The following TMEM272 variants were observed in gnomAD, a reference collection of about 807,000 sequenced individuals.
TMEM272 encodes long intergenic non-protein coding RNA 282.
A neutral mutation model predicts 3.7 loss-of-function variants in TMEM272; 8 were observed. The observed-to-expected ratio is 2.17, with a 90% CI of 1.27 to 3.91. The LOEUF is 3.91. Ranked by LOEUF, TMEM272 falls within the 30% of genes most tolerant of loss-of-function variation. TMEM272 has a pLI of 0.00. For synonymous variants in TMEM272, 63 were observed against 39.8 expected, an observed-to-expected ratio of 1.58 and a Z score of -2.20; for missense variants, 166 against 91.5, an observed-to-expected ratio of 1.81 and a Z score of -3.32.
At chr13:51,928,570 C>T in the TMEM272 span, among the ~76,000 whole-genome samples, 1 of 152,210 alleles carries the variant, frequency 6.6e-6, no homozygotes, top group East Asian at 1.9e-4. Context: ...GTGACCACTG[C>T]GTACCTTGCA....
intron 1 of TMEM272, among the ~76,000 whole-genome samples, chr13:51,841,513 G>T (rs905599584): frequency 2.0e-5 from 3 of 152,186 alleles, no homozygotes; most frequent in Non-Finnish European, 4.4e-5. Context: ...TCTACCTTGG[G>T]CCATTCCCTG....
chr13:51,871,305 C>T, the TMEM272 span, among the ~76,000 whole-genome samples: 6 of 152,068 alleles, frequency 3.9e-5, no homozygotes, highest in South Asian at 1.2e-3. Context: ...ATTCTCCTGC[C>T]TCAGCCTCCC....
the TMEM272 span, among the ~76,000 whole-genome samples, chr13:51,871,551 C>A: frequency 6.6e-6 from 1 of 152,010 alleles, no homozygotes; most frequent in Non-Finnish European, 1.5e-5. Flanking sequence ...CAATAACTAG[C>A]ATCCCTTGCC....
the TMEM272 span, chr13:51,933,935 C>T: frequency 6.6e-6 from 1 of 152,416 alleles, no homozygotes; most frequent in Non-Finnish European, 1.5e-5. Context: ...TCAGGTCAGG[C>T]TCTGAGGCCC....
intron 1 of TMEM272, among the ~76,000 whole-genome samples, chr13:51,838,866 C>T (rs559119413): frequency 3.3e-5 from 5 of 152,236 alleles, no homozygotes; most frequent in Admixed American, 2.0e-4. Context: ...TGCAGCCAGG[C>T]GTTGTGTTAA....
At chr13:51,912,851 A>C in the TMEM272 span, among the ~76,000 whole-genome samples, 1 of 152,372 alleles carries the variant, frequency 6.6e-6, no homozygotes, top group Non-Finnish European at 1.5e-5. Flanking sequence ...ACACGAATGA[A>C]GCAGAAAAAA....
chr13:51,879,335 A>G, the TMEM272 span, among the ~76,000 whole-genome samples: 3 of 138,654 alleles, frequency 2.2e-5, no homozygotes, highest in Non-Finnish European at 3.1e-5. Context: ...AGACTTTCGC[A>G]TTTTCTTATG....
At chr13:51,913,201 C>T in the TMEM272 span, among the ~76,000 whole-genome samples, 16 of 152,150 alleles carry the variant, frequency 1.1e-4, no homozygotes, top group Non-Finnish European at 1.6e-4. Flanking sequence ...CTTAGACATC[C>T]CTTTCCCCCA....
the TMEM272 span, among the ~76,000 whole-genome samples, chr13:51,880,288 A>T: frequency 6.6e-6 from 1 of 152,144 alleles, no homozygotes; most frequent in African/African-American, 2.4e-5. Context: ...AAAAAAAAAA[A>T]AAAAAAAAGT....
chr13:51,907,129 A>G, the TMEM272 span, among the ~76,000 whole-genome samples: 4 of 152,216 alleles, frequency 2.6e-5, no homozygotes, highest in Non-Finnish European at 2.9e-5. Flanking sequence ...GTGATGTTGC[A>G]TAACTTCCAA....
chr13:51,879,331 T>C, the TMEM272 span, among the ~76,000 whole-genome samples: 3 of 145,694 alleles, frequency 2.1e-5, no homozygotes, highest in Admixed American at 1.4e-4. Context: ...TATAAGACTT[T>C]CGCATTTTCT....
At chr13:51,837,373 A>G (rs1052059348) in intron 2 of TMEM272, among the ~76,000 whole-genome samples, 1 of 152,106 alleles carries the variant, frequency 6.6e-6, no homozygotes, top group Non-Finnish European at 1.5e-5. Flanking sequence ...CAGTAAACCT[A>G]TGAGTTTTCA....
chr13:51,908,136 T>C, the TMEM272 span: 3,605 of 527,884 alleles, frequency 6.8e-3, 117 homozygotes, highest in African/African-American at 0.063. Context: ...AAAAGTGTAA[T>C]CACTGAAGTA....
the TMEM272 span, among the ~76,000 whole-genome samples, chr13:51,893,353 G>A: frequency 1.3e-5 from 2 of 152,164 alleles, no homozygotes; most frequent in African/African-American, 4.8e-5. Flanking sequence ...AAGTACATGC[G>A]AAAAGCATCC....
chr13:51,908,852 C>T, the TMEM272 span: 19 of 1,434,804 alleles, frequency 1.3e-5, no homozygotes, highest in Middle Eastern at 3.5e-4. Context: ...GTGACAGGGG[C>T]CCAGTGTCAG....
chr13:51,881,068 G>A, the TMEM272 span, among the ~76,000 whole-genome samples: 1 of 152,314 alleles, frequency 6.6e-6, no homozygotes, highest in East Asian at 1.9e-4. Flanking sequence ...AGAGTAAAAA[G>A]AGGCTGAAGG....
chr13:51,851,407 GAAC>G, the TMEM272 span, among the ~76,000 whole-genome samples: 10 of 144,306 alleles, frequency 6.9e-5, no homozygotes, highest in African/African-American at 2.0e-4. Context: ...GGAAGAAGAA[GAAC>G]AAGAAGAAGA....
chr13:51,853,530 G>A, the TMEM272 span, among the ~76,000 whole-genome samples: 29 of 152,352 alleles, frequency 1.9e-4, no homozygotes, highest in Non-Finnish European at 2.1e-4. Flanking sequence ...GGAAGAGGAA[G>A]AGGAGGTGTT....
At chr13:51,915,730 C>T in the TMEM272 span, among the ~76,000 whole-genome samples, 2 of 152,200 alleles carry the variant, frequency 1.3e-5, no homozygotes, top group Non-Finnish European at 2.9e-5. Context: ...ATAGATCTCA[C>T]TCATTCAAAC....
Sources: allele counts gnomAD v4.1 joint callset (sites outside exome capture counted in the v4.1 genomes callset), GRCh38; gene constraint gnomAD v4.1.1; transcripts MANE v1.5; gene names NCBI Gene and HGNC (gene_info 2026-07-23, HGNC 2026-07-21).